The following DCTN2 variants were observed in gnomAD, a reference collection of about 807,000 sequenced individuals.
DCTN2 encodes dynactin subunit 2, also known as 50 kDa dynein-associated polypeptide.
A neutral mutation model predicts 55.4 loss-of-function variants in DCTN2; 18 were observed. That is an observed-to-expected ratio of 0.32 (90% confidence interval 0.22 to 0.48). The LOEUF is 0.48. Ranked by LOEUF, DCTN2 falls within the 20% of genes least tolerant of loss-of-function variation. The pLI, the probability that DCTN2 is intolerant of heterozygous loss-of-function variation, is 0.99. For missense variants in DCTN2, 390 were observed against 491.0 expected, an observed-to-expected ratio of 0.79 and a Z score of 1.94; for synonymous variants, 168 against 185.2, an observed-to-expected ratio of 0.91 and a Z score of 0.76.
chr12:57,533,466 G>A (rs1294485277), intron 7 of DCTN2, among the ~76,000 whole-genome samples, 163 bp from the exon 8 acceptor site: 2 of 152,136 alleles, frequency 1.3e-5, no homozygotes, highest in East Asian at 3.8e-4. Context: ...AAAGGTAGAT[G>A]GGCGAGGGAA....
Position 57,534,069 on chromosome 12 carries a change from T to C in DCTN2, c.553A>G (p.Lys185Glu). Residue 185 changes from lysine to glutamate, a missense_variant, in exon 7 of 14, where the codon AAG becomes GAG. Physicochemically the swap from Lys to Glu is moderately conservative, Grantham distance 56. Transcript: ENST00000548249. The part of the protein sequence containing the change: ...KRLLLQLEAT[K>E]NSKGGSGGKT... ...CCCCCTGATCCCCCTTTGCTGTTCTTTGTTGCTTCCAGCTGCAGTAGTAGG... is the reference window on the plus strand; with the variant it reads ...CCCCCTGATCCCCCTTTGCTGTTCTCTGTTGCTTCCAGCTGCAGTAGTAGG... 1 of 1,608,394 alleles carries C rather than the reference T, an allele frequency of 6.2e-7. No homozygotes were observed. The highest frequency in any genetic ancestry group is 8.5e-7 in the Non-Finnish European group (1 of 1,177,708).
At position 57,533,005 on chromosome 12, in the gene DCTN2, AC is replaced by A; in HGVS notation, c.752del (p.Gly251ValfsTer11). Reference sequence around the variant, plus strand: ...TCACCATGAGACAGGCTCCCTGTAGACCTGCAGAAAGGGGATTCTGGTGGGA... The same window carrying A: ...TCACCATGAGACAGGCTCCCTGTAGACTGCAGAAAGGGGATTCTGGTGGGA... Reference protein sequence around the residue: ...DQDAQNPLSAGLQGACLMETV... With the variant: ...DQDAQNPLSAXLQGACLMETV... On this transcript the variant is annotated frameshift_variant, in exon 9 of 14. Transcript: ENST00000548249. LOFTEE classifies it high-confidence loss of function. 6.2e-7 allele frequency: 1 copy of A among 1,603,452 alleles called. No homozygotes were observed. Among genetic ancestry groups the A allele is most frequent in the Non-Finnish European group, 8.5e-7 (1 of 1,175,078 alleles).
intron 2 of DCTN2, chr12:57,542,733 C>T (rs1027759029): frequency 2.2e-5 from 10 of 445,444 alleles, no homozygotes; most frequent in Admixed American, 7.2e-5. Context: ...GCAGGAGAAT[C>T]GCTTGAACCG....
chr12:57,536,469 A>AT (rs1009854272), intron 2 of DCTN2, among the ~76,000 whole-genome samples: 1 of 152,176 alleles, frequency 6.6e-6, no homozygotes, highest in Admixed American at 6.5e-5. Flanking sequence ...GGCTTACTGG[A>AT]TTATCTTTAT....
At chr12:57,536,307 A>G (rs1441453694) in intron 2 of DCTN2, among the ~76,000 whole-genome samples, 1 of 152,234 alleles carries the variant, frequency 6.6e-6, no homozygotes, top group Non-Finnish European at 1.5e-5. Flanking sequence ...TCAGGCCACT[A>G]ACACTGAGTG....
At chr12:57,543,100 A>G in intron 2 of DCTN2, 1 of 447,050 alleles carries the variant, frequency 2.2e-6, no homozygotes, top group South Asian at 1.6e-5. Flanking sequence ...CTGTAATCCC[A>G]GCACTTTGGG....
At position 57,536,288 on chromosome 12, in the gene DCTN2, G is replaced by A. The variant is rs1880227689; in HGVS notation, c.106-443C>T. 2.0e-5 allele frequency among the ~76,000 whole-genome samples: 3 copies of A among 152,232 alleles called. No homozygotes were observed. The South Asian group carries it at 6.2e-4, about 32-fold the overall frequency. ...CTTGCTAGAAGGAAAGAGGAGGGAA[G>A]GCAGATAATCAGGCCACTAACACTG... On this transcript the variant is annotated intron_variant, in intron 2 of 13. Coordinates refer to ENST00000548249, the MANE Select transcript of DCTN2 (RefSeq NM_001261413.2).
At chr12:57,543,847 A>G in intron 2 of DCTN2, 1 of 1,288,320 alleles carries the variant, frequency 7.8e-7, no homozygotes, top group Non-Finnish European at 1.0e-6. Context: ...GAACACTCAC[A>G]GTATCCTCTC....
Position 57,532,233 on chromosome 12 carries a change from A to G in DCTN2, c.1007T>C (p.Ile336Thr). 6.4e-7 allele frequency: 1 copy of G among 1,558,868 alleles called. No individual in the cohort carries two copies. Residue 336 changes from isoleucine (I) to threonine (T), a missense_variant, in exon 12 of 14, where the codon ATC becomes ACC. Transcript: ENST00000548249. ...LPELVQRLVT[I>T]KQLHEQAMQF... ...CCCACCTTGCTCGTGCAGCTGCTTG[A>G]TGGTGACAAGTCTCTGCACCAGCTC... is the stretch of plus-strand genomic sequence containing the variant.
intron 8 of DCTN2, 53 bp downstream of exon 8, chr12:57,533,185 G>A (rs1457426735): frequency 6.3e-6 from 10 of 1,597,232 alleles, no homozygotes; most frequent in Non-Finnish European, 8.6e-6. Context: ...TAGACCTTAA[G>A]GCCTAGAGTT....
chr12:57,543,058 AG>A, intron 2 of DCTN2: 1 of 454,134 alleles, frequency 2.2e-6, no homozygotes, highest in South Asian at 1.6e-5. Context: ...GGGGTTAAGA[AG>A]GTGACTGAGG....
intron 2 of DCTN2, among the ~76,000 whole-genome samples, chr12:57,537,616 TA>T (rs2140127606): frequency 6.6e-6 from 1 of 152,140 alleles, no homozygotes; most frequent in South Asian, 2.1e-4. Flanking sequence ...GTGACAGCTT[TA>T]AAAATAAGGG....
chr12:57,543,348 CAAAAAAAAAAGA>C (rs72070525), intron 2 of DCTN2, among the ~76,000 whole-genome samples: 1 of 104,124 alleles, frequency 9.6e-6, no homozygotes, highest in Non-Finnish European at 1.9e-5. Flanking sequence ...GACTCCGTCT[CAAAAAAAAAAGA>C]AAAAAAAAGA....
In DCTN2 at chr12:57,532,611, C is replaced by G; in HGVS notation, c.885G>C (p.Lys295Asn). 6.2e-7 allele frequency: 1 copy of G among 1,613,958 alleles called. No individual in the cohort carries two copies. Among genetic ancestry groups the G allele is most frequent in the Non-Finnish European group, 8.5e-7 (1 of 1,179,888 alleles). Residue 295 changes from lysine (K) to asparagine (N), a missense_variant, in exon 11 of 14, where the codon AAG becomes AAC. Physicochemically the swap from Lys to Asn is moderately conservative, Grantham distance 94. Coordinates refer to ENST00000548249, the MANE Select transcript of DCTN2 (RefSeq NM_001261413.2). ...SVLGKVNEIA[K>N]HKASVEDADT... ...CTGCATCTTCTACAGAGGCTTTATGCTTGGCAATCTCGTTCACCTTTCCCA... is the reference window on the plus strand; with the variant it reads ...CTGCATCTTCTACAGAGGCTTTATGGTTGGCAATCTCGTTCACCTTTCCCA...
chr12:57,533,690 G>A (rs1845566482), intron 7 of DCTN2, among the ~76,000 whole-genome samples: 1 of 151,300 alleles, frequency 6.6e-6, no homozygotes, highest in South Asian at 2.1e-4. Context: ...AGAATGGCGT[G>A]AACCCGGGAG....
chr12:57,540,230 G>T, intron 2 of DCTN2: 1 of 731,920 alleles, frequency 1.4e-6, no homozygotes, highest in Non-Finnish European at 1.7e-6. Context: ...GCTAAAACCA[G>T]CTTGGGAGAA....
At chr12:57,546,270 G>A (rs990436847) in intron 1 of DCTN2, among the ~76,000 whole-genome samples, 174 bp from the exon 2 acceptor site, 2 of 152,188 alleles carry the variant, frequency 1.3e-5, no homozygotes, top group African/African-American at 4.8e-5. Flanking sequence ...TGTCTCAAGG[G>A]GTAGGGATGA....
At chr12:57,543,216 G>C in intron 2 of DCTN2, 3 of 363,580 alleles carry the variant, frequency 8.3e-6, no homozygotes, top group South Asian at 6.3e-5. Context: ...GGGTGTGGTG[G>C]TGGGCGCCTA....
intron 2 of DCTN2, among the ~76,000 whole-genome samples, chr12:57,544,382 A>G (rs775237): frequency 0.27 from 26,110 of 96,284 alleles, 2,425 homozygotes; most frequent in East Asian, 0.38. Context: ...GTTATATTGT[A>G]TTTTTAAATT....
Sources: allele counts gnomAD v4.1 joint callset (sites outside exome capture counted in the v4.1 genomes callset), GRCh38; gene constraint gnomAD v4.1.1; transcripts MANE v1.5; gene names NCBI Gene and HGNC (gene_info 2026-07-23, HGNC 2026-07-21).